The following RAD51B variants were observed in gnomAD, a reference collection of about 807,000 sequenced individuals.
RAD51B encodes the protein DNA repair protein RAD51 homolog 2.
A neutral mutation model predicts 42.2 loss-of-function variants in RAD51B; 38 were observed. The ratio of observed to expected loss-of-function variants is 0.90; its 90% CI spans 0.70 to 1.18. The LOEUF (loss-of-function observed/expected upper bound fraction) is 1.18, where lower values mean the gene tolerates loss of function less well. Ranked by LOEUF, RAD51B falls within the 50% of genes most tolerant of loss-of-function variation. The pLI, the probability that RAD51B is intolerant of heterozygous loss-of-function variation, is 0.00. For synonymous variants in RAD51B, 154 were observed against 145.2 expected (o/e 1.06, Z -0.43); for missense variants, 373 against 400.7 (o/e 0.93, Z 0.59).
chr14:68,366,941 C>T (rs936480597), intron 8 of RAD51B, among the ~76,000 whole-genome samples: 2 of 152,354 alleles, frequency 1.3e-5, no homozygotes, highest in Middle Eastern at 3.4e-3. Flanking sequence ...TTGGATCACC[C>T]TCCCAAGTGC....
chr14:68,062,622 C>T (rs192732596), intron 7 of RAD51B, among the ~76,000 whole-genome samples: 12 of 151,608 alleles, frequency 7.9e-5, no homozygotes, highest in Middle Eastern at 3.4e-3. Flanking sequence ...GGTGAAATCC[C>T]GTCTCTACTA....
At chr14:68,232,911 G>A (rs2080175666) in intron 7 of RAD51B, among the ~76,000 whole-genome samples, 1 of 152,174 alleles carries the variant, frequency 6.6e-6, no homozygotes, top group Non-Finnish European at 1.5e-5. Context: ...TGTAGGTACT[G>A]GAAGGGCTAT....
intron 7 of RAD51B, among the ~76,000 whole-genome samples, chr14:68,040,813 C>T (rs1164811873): frequency 4.6e-5 from 7 of 152,216 alleles, no homozygotes; most frequent in Non-Finnish European, 1.0e-4. Flanking sequence ...TCTCTGGCCT[C>T]ACTCCAGACC....
chr14:68,616,972 A>G (rs1302538812), intron 10 of RAD51B, among the ~76,000 whole-genome samples: 1 of 152,112 alleles, frequency 6.6e-6, no homozygotes, highest in Non-Finnish European at 1.5e-5. Context: ...GTTTTTCTTA[A>G]AATCCTGGAG....
chr14:68,540,289 C>G, intron 10 of RAD51B: 2 of 1,027,590 alleles, frequency 1.9e-6, no homozygotes, highest in Non-Finnish European at 2.3e-6. Context: ...GCCTAGGACT[C>G]TACTGCAGAC....
At chr14:68,102,223 C>T (rs964098884) in intron 7 of RAD51B, among the ~76,000 whole-genome samples, 4 of 152,202 alleles carry the variant, frequency 2.6e-5, no homozygotes, top group East Asian at 3.9e-4. Flanking sequence ...GCCATGAAGA[C>T]CTCTGACATG....
chr14:68,309,551 A>G (rs28629275), intron 8 of RAD51B, among the ~76,000 whole-genome samples: 2,751 of 152,310 alleles, frequency 0.018, 78 homozygotes, highest in African/African-American at 0.059. Context: ...CCAAGATCAT[A>G]AAGCCAAATA....
chr14:68,303,927 T>A (rs917543194), intron 8 of RAD51B, among the ~76,000 whole-genome samples: 1 of 152,200 alleles, frequency 6.6e-6, no homozygotes, highest in Non-Finnish European at 1.5e-5. Context: ...CCCAGCACTT[T>A]GGGAGGCTGA....
intron 7 of RAD51B, among the ~76,000 whole-genome samples, chr14:68,190,223 A>G (rs1161858607): frequency 1.3e-5 from 2 of 152,198 alleles, no homozygotes; most frequent in East Asian, 3.8e-4. Context: ...CCTGAAATCA[A>G]TACCTTTAAT....
At chr14:68,457,672 C>T (rs549658812) in intron 9 of RAD51B, among the ~76,000 whole-genome samples, 1 of 151,840 alleles carries the variant, frequency 6.6e-6, no homozygotes, top group Non-Finnish European at 1.5e-5. Context: ...AATCTCAGCT[C>T]ACTGCAACCT....
At chr14:68,158,586 T>C (rs573632049) in intron 7 of RAD51B, among the ~76,000 whole-genome samples, 15 of 152,330 alleles carry the variant, frequency 9.8e-5, no homozygotes, top group Admixed American at 6.5e-4. Flanking sequence ...CTGCTCTATA[T>C]AGCACTTTTA....
chr14:68,415,490 G>A (rs1206858573), intron 9 of RAD51B, among the ~76,000 whole-genome samples: 1 of 152,216 alleles, frequency 6.6e-6, no homozygotes, highest in Non-Finnish European at 1.5e-5. Flanking sequence ...ACAGGTAAGA[G>A]ATGGTTGATA....
chr14:67,847,129 C>T (rs1332437085), intron 4 of RAD51B, among the ~76,000 whole-genome samples: 2 of 152,056 alleles, frequency 1.3e-5, no homozygotes, highest in African/African-American at 2.4e-5. Flanking sequence ...TTCTTCAGCC[C>T]AGCATCTATA....
intron 11 of RAD51B, among the ~76,000 whole-genome samples, chr14:68,669,377 C>G (rs1893103895): frequency 6.6e-6 from 1 of 152,220 alleles, no homozygotes; most frequent in Non-Finnish European, 1.5e-5. Flanking sequence ...AGCACGTAGG[C>G]CACATCTAGA....
chr14:67,998,593 A>G (rs2075426377), intron 7 of RAD51B, among the ~76,000 whole-genome samples: 1 of 152,252 alleles, frequency 6.6e-6, no homozygotes, highest in Non-Finnish European at 1.5e-5. Flanking sequence ...ATGAGATATT[A>G]CATGGCAAAG....
chr14:67,928,714 T>C (rs547143489), intron 7 of RAD51B, among the ~76,000 whole-genome samples: 2 of 152,266 alleles, frequency 1.3e-5, no homozygotes, highest in Middle Eastern at 3.4e-3. Context: ...ATATCAAAGC[T>C]TGCCGTCTTT....
intron 4 of RAD51B, among the ~76,000 whole-genome samples, chr14:67,856,849 T>C (rs1173074368): frequency 6.6e-6 from 1 of 152,228 alleles, no homozygotes; most frequent in Non-Finnish European, 1.5e-5. Context: ...CTGACTTTTT[T>C]TTTTTTTAGT....
At chr14:67,951,691 A>T (rs2074452202) in intron 7 of RAD51B, among the ~76,000 whole-genome samples, 1 of 152,222 alleles carries the variant, frequency 6.6e-6, no homozygotes, top group Non-Finnish European at 1.5e-5. Flanking sequence ...CTTTAACCAT[A>T]CCACATGTTT....
At chr14:68,334,255 GATAAC>G (rs1311255735) in intron 8 of RAD51B, among the ~76,000 whole-genome samples, 2 of 152,048 alleles carry the variant, frequency 1.3e-5, no homozygotes, top group African/African-American at 2.4e-5. Context: ...AAGCCTTACT[GATAAC>G]ATAAACAGTC....
Sources: gnomAD v4.1 joint callset for allele counts (sites outside exome capture counted in the v4.1 genomes callset) on GRCh38, gnomAD v4.1.1 for gene constraint, MANE v1.5 for transcripts, NCBI Gene and HGNC (gene_info 2026-07-23, HGNC 2026-07-21) for gene names.